Variants in TBC1D22B observed in about 807,000 individuals in gnomAD.
TBC1D22B encodes the protein TBC1 domain family member 22B, also known as chromosome 6 open reading frame 197.
A neutral mutation model predicts 69.1 loss-of-function variants in TBC1D22B; 32 were observed. The ratio of observed to expected loss-of-function variants is 0.46; its 90% CI spans 0.35 to 0.62. TBC1D22B has a LOEUF of 0.62. TBC1D22B is among the 20% of genes least tolerant of loss of function. The probability of loss-of-function intolerance (pLI) is 0.00; values close to 1 mark genes in which losing one functional copy is unlikely to be tolerated. For missense variants in TBC1D22B, 462 were observed against 630.9 expected (o/e 0.73, Z 2.87); for synonymous variants, 206 against 229.8 (o/e 0.90, Z 0.94).
chr6:37,294,772 A>T (rs1359207827), intron 8 of TBC1D22B, among the ~76,000 whole-genome samples: 1 of 152,216 alleles, frequency 6.6e-6, no homozygotes, highest in Admixed American at 6.5e-5. Context: ...CTTTTAAAAT[A>T]TCACTGTCCA....
rs1170090416 is a variant in TBC1D22B, at chr6:37,298,178, C to T, written c.982+6821C>T. 2.6e-5 allele frequency among the ~76,000 whole-genome samples: 4 copies of T among 152,098 alleles called. No homozygotes were observed. In the East Asian group the frequency reaches 7.7e-4, roughly 29 times the overall value. On this transcript the variant is annotated intron_variant, in intron 8 of 12. Coordinates refer to ENST00000373491, the MANE Select transcript of TBC1D22B (RefSeq NM_017772.4). ...ACCTGCGCGTCCTACACATGTATCC[C>T]AGAACTTAAAGTATAATTTAAAAAA...
intron 3 of TBC1D22B, among the ~76,000 whole-genome samples, chr6:37,281,401 G>T (rs1766823696): frequency 6.6e-6 from 1 of 152,092 alleles, no homozygotes; most frequent in African/African-American, 2.4e-5. Context: ...GAAATGTCAA[G>T]AACAAGACAG....
chr6:37,292,032 G>C (rs148003429), intron 8 of TBC1D22B, among the ~76,000 whole-genome samples: 1 of 152,184 alleles, frequency 6.6e-6, no homozygotes, highest in Admixed American at 6.5e-5. Flanking sequence ...TGTGCTGAGA[G>C]AGTCACAGGA....
At chr6:37,330,392 C>A (rs1490804019) in intron 12 of TBC1D22B, among the ~76,000 whole-genome samples, 1 of 152,006 alleles carries the variant, frequency 6.6e-6, no homozygotes, top group Admixed American at 6.6e-5. Context: ...GCGTGTGCTA[C>A]CTTGCCTGGC....
chr6:37,284,359 G>A lies in TBC1D22B; in HGVS notation c.696G>A (p.Glu232=). 6.2e-6 allele frequency: 10 copies of A among 1,614,176 alleles called. No homozygotes were observed. Among genetic ancestry groups the A allele is most frequent in the Non-Finnish European group, 8.5e-6 (10 of 1,180,014 alleles). Residue 232 remains glutamate, a synonymous_variant, in exon 6 of 13, where the codon GAG becomes GAA. Coordinates refer to ENST00000373491, the MANE Select transcript of TBC1D22B (RefSeq NM_017772.4). ...LLSGYLPANT[E]RRKLTLQRKR... ...AGGGCTATCTCCCAGCAAACACTGA[G>A]AGGAGGAAGTTGACCCTGCAGCGGA...
At chr6:37,287,111 G>T (rs186881210) in intron 7 of TBC1D22B, 39 bp downstream of exon 7, 56 of 1,538,566 alleles carry the variant, frequency 3.6e-5, no homozygotes, top group Non-Finnish European at 4.6e-5. Flanking sequence ...GCTTCTCCCC[G>T]CATAGTTCTG....
chr6:37,323,796 A>G (rs946355022), intron 12 of TBC1D22B, among the ~76,000 whole-genome samples: 1 of 152,248 alleles, frequency 6.6e-6, no homozygotes, highest in Admixed American at 6.5e-5. Context: ...AATCCTTCAC[A>G]CAAGGGTTCA....
At position 37,267,482 on chromosome 6, in the gene TBC1D22B, C is replaced by CA. The variant is rs376923752; in HGVS notation, c.57-2112_57-2111insA. ...TACACATATATATAATATATATACA[C>CA]TATATATAATATATATACACTATAT... On this transcript the variant is annotated intron_variant, in intron 1 of 12. Transcript: ENST00000373491. Among the ~76,000 whole-genome samples the CA allele has an allele frequency of 3.9e-3, 534 of 138,078 alleles. 4 individuals carry two copies. The highest frequency in any genetic ancestry group is 0.013 in the African/African-American group (485 of 36,254). The allele number at this position is 138,078 out of a possible 152,430, so 90.6% of individuals were successfully genotyped here. A position where few individuals can be genotyped will look rare whatever the true frequency, so the allele number is the denominator to read the frequency against.
At chr6:37,309,771 C>T (rs2113776874) in intron 8 of TBC1D22B, among the ~76,000 whole-genome samples, 1 of 152,090 alleles carries the variant, frequency 6.6e-6, no homozygotes, top group South Asian at 2.1e-4. Flanking sequence ...CTGGGTATAT[C>T]CATCCCTGAG....
intron 8 of TBC1D22B, among the ~76,000 whole-genome samples, chr6:37,305,963 C>A (rs2113772078): frequency 6.6e-6 from 1 of 152,268 alleles, no homozygotes; most frequent in South Asian, 2.1e-4. Context: ...ACTCAAGCTG[C>A]CTCCTGGCCC....
chr6:37,313,748 T>A, intron 9 of TBC1D22B, 68 bp from the exon 10 acceptor site: 1 of 1,457,424 alleles, frequency 6.9e-7, no homozygotes, highest in Non-Finnish European at 9.6e-7. Context: ...CTAAACGTGT[T>A]TCAGTGAATG....
At chr6:37,306,712 A>G (rs553743565) in intron 8 of TBC1D22B, among the ~76,000 whole-genome samples, 92 of 152,336 alleles carry the variant, frequency 6.0e-4, no homozygotes, top group African/African-American at 1.8e-3. Flanking sequence ...AATTTTAACC[A>G]GGGCATCATG....
intron 1 of TBC1D22B, among the ~76,000 whole-genome samples, chr6:37,267,347 A>T: frequency 7.9e-6 from 1 of 126,060 alleles, no homozygotes; most frequent in African/African-American, 3.8e-5. Flanking sequence ...TATAATATAT[A>T]TATACACACA....
At chr6:37,313,636 T>G (rs1448175326) in intron 9 of TBC1D22B, among the ~76,000 whole-genome samples, 180 bp from the exon 10 acceptor site, 2 of 152,198 alleles carry the variant, frequency 1.3e-5, no homozygotes, top group Non-Finnish European at 2.9e-5. Context: ...ACTGCAGGGC[T>G]CCATTGGGCT....
intron 1 of TBC1D22B, among the ~76,000 whole-genome samples, chr6:37,261,768 C>T (rs1766106159): frequency 6.6e-6 from 1 of 151,892 alleles, no homozygotes; most frequent in African/African-American, 2.4e-5. Flanking sequence ...GGTGTGGTGG[C>T]TCACACCTGT....
At chr6:37,303,468 C>T (rs563019178) in intron 8 of TBC1D22B, among the ~76,000 whole-genome samples, 1 of 152,280 alleles carries the variant, frequency 6.6e-6, no homozygotes, top group South Asian at 2.1e-4. Flanking sequence ...TCACTATGCA[C>T]GCCCTAGGTC....
intron 1 of TBC1D22B, among the ~76,000 whole-genome samples, chr6:37,262,922 T>C (rs541220694): frequency 6.6e-6 from 1 of 152,384 alleles, no homozygotes; most frequent in Admixed American, 6.5e-5. Flanking sequence ...GTGTTGGTTT[T>C]ATTAAAGAGA....
At chr6:37,268,448 C>T (rs1583525828) in intron 1 of TBC1D22B, among the ~76,000 whole-genome samples, 1 of 152,068 alleles carries the variant, frequency 6.6e-6, no homozygotes, top group African/African-American at 2.4e-5. Context: ...AGGCTGGTTT[C>T]GAACTCCTAG....
At chr6:37,289,251 G>T (rs1365647393) in intron 7 of TBC1D22B, among the ~76,000 whole-genome samples, 2 of 152,200 alleles carry the variant, frequency 1.3e-5, no homozygotes, top group African/African-American at 4.8e-5. Context: ...ATACGGAAAG[G>T]CTTGCTTTGA....
Sources: gnomAD v4.1 joint callset for allele counts (sites outside exome capture counted in the v4.1 genomes callset) on GRCh38, gnomAD v4.1.1 for gene constraint, MANE v1.5 for transcripts, NCBI Gene and HGNC (gene_info 2026-07-23, HGNC 2026-07-21) for gene names.